Variants in SYNE1 observed in about 807,000 individuals in gnomAD.
SYNE1 encodes the protein nesprin-1.
A neutral mutation model predicts 1,111.0 loss-of-function variants in SYNE1; 616 were observed. That is an observed-to-expected ratio of 0.55 (90% confidence interval 0.52 to 0.59). The LOEUF is 0.59. SYNE1 is among the 20% of genes least tolerant of loss of function. SYNE1 has a pLI of 0.00. For synonymous variants in SYNE1, 3,855 were observed against 3,825.8 expected (o/e 1.01, Z -0.28); for missense variants, 10,006 against 10,417.0 (o/e 0.96, Z 1.72).
chr6:152,358,279 G>T (rs981663761), intron 66 of SYNE1, 94 bp downstream of exon 66: 5 of 1,546,494 alleles, frequency 3.2e-6, no homozygotes, highest in Non-Finnish European at 4.5e-6. Flanking sequence ...ACTAGCCACT[G>T]GACTCAAGGT....
Position 152,372,966 on chromosome 6 carries a change from CTG to C in SYNE1, c.9507+69_9507+70del, listed in dbSNP as rs2097214205. ...ACAAGGGGGCTTTGATATACAGAAA[CTG>C]TGATTTCACTAACAACAACAACAAT... On this transcript the variant is annotated intron_variant, in intron 59 of 145. Transcript: ENST00000367255. The C allele has an allele frequency of 1.9e-6, 3 of 1,546,118 alleles. No homozygotes were observed. The Admixed American group carries it at 5.0e-5, about 26-fold the overall frequency.
At chr6:152,569,155 A>G (rs913772400) in intron 3 of SYNE1, among the ~76,000 whole-genome samples, 16 of 152,212 alleles carry the variant, frequency 1.1e-4, no homozygotes, top group African/African-American at 3.9e-4. Context: ...CCTGGCTCCA[A>G]TCCTGACCTA....
chr6:152,126,012 C>T (rs918013840), intron 145 of SYNE1: 1 of 152,340 alleles, frequency 6.6e-6, no homozygotes, highest in Non-Finnish European at 1.5e-5. Flanking sequence ...TCACCATTTA[C>T]AGAATGTGGA....
At chr6:152,621,920 T>C (rs2128916984) in intron 3 of SYNE1, among the ~76,000 whole-genome samples, 1 of 152,244 alleles carries the variant, frequency 6.6e-6, no homozygotes, top group South Asian at 2.1e-4. Flanking sequence ...AAAACAAAAA[T>C]TCAGATACAC....
chr6:152,301,703 T>C (rs2095175452), intron 92 of SYNE1, among the ~76,000 whole-genome samples, 166 bp downstream of exon 92: 1 of 152,232 alleles, frequency 6.6e-6, no homozygotes, highest in Admixed American at 6.5e-5. Context: ...GTGTCAAAGA[T>C]TGGCCCGGCC....
chr6:152,512,527 T>C (rs1005651066), intron 6 of SYNE1, among the ~76,000 whole-genome samples: 7 of 152,164 alleles, frequency 4.6e-5, no homozygotes, highest in Non-Finnish European at 1.5e-5. Flanking sequence ...CTAATATCCA[T>C]AAGATTAATG....
chr6:152,351,527 T>C (rs2096740209), intron 70 of SYNE1, among the ~76,000 whole-genome samples: 1 of 152,252 alleles, frequency 6.6e-6, no homozygotes, highest in Non-Finnish European at 1.5e-5. Flanking sequence ...TATAGCCACA[T>C]CACTATTTAT....
intron 8 of SYNE1, among the ~76,000 whole-genome samples, chr6:152,507,274 A>C (rs934021705): frequency 3.3e-5 from 5 of 152,212 alleles, no homozygotes; most frequent in African/African-American, 1.2e-4. Flanking sequence ...TGGGGTGTAA[A>C]TAAATAATTA....
intron 91 of SYNE1, chr6:152,302,412 A>C: frequency 2.5e-6 from 1 of 392,578 alleles, no homozygotes. Context: ...TAAAAGCAGA[A>C]AGCATCTGAA....
chr6:152,275,581 T>C (rs922378313), intron 98 of SYNE1, among the ~76,000 whole-genome samples: 3 of 152,046 alleles, frequency 2.0e-5, no homozygotes, highest in African/African-American at 7.3e-5. Context: ...TATTGTATTT[T>C]AATATGTGAT....
intron 105 of SYNE1, among the ~76,000 whole-genome samples, chr6:152,247,464 G>C (rs1466012408): frequency 6.6e-6 from 1 of 151,788 alleles, no homozygotes; most frequent in African/African-American, 2.4e-5. Flanking sequence ...AGTTGCTCCA[G>C]TCTTTTTTGG....
In SYNE1 at chr6:152,409,686, A is replaced by G. The variant is rs577979265; in HGVS notation, c.6254T>C (p.Ile2085Thr). Reference protein sequence around the residue: ...HENQGQCCGLIDLMREYQNLK... With the variant: ...HENQGQCCGLTDLMREYQNLK... ...GTTCTGATATTCTCTCATTAAGTCAATAAGTCCACAGCACTGACCCTGACT... is the reference window on the plus strand; with the variant it reads ...GTTCTGATATTCTCTCATTAAGTCAGTAAGTCCACAGCACTGACCCTGACT... The change falls in exon 43 of 146, where the codon ATT (isoleucine) becomes ACT (threonine). Residue 2085 changes from isoleucine (I) to threonine (T), a missense_variant. This residue lies in a region of SYNE1 where 4,955 missense variants were observed against 5,017.2 expected (regional missense o/e 0.99). Coordinates refer to ENST00000367255, the MANE Select transcript of SYNE1 (RefSeq NM_182961.4). 81 of 1,613,784 alleles carry G rather than the reference A, an allele frequency of 5.0e-5. No homozygotes were observed. In the Middle Eastern group the frequency reaches 6.6e-4, roughly 13 times the overall value.
chr6:152,371,585 G>GGGGAGGGGAGGAGAGGAGAGGGGAAA (rs2097180388), intron 59 of SYNE1, among the ~76,000 whole-genome samples: 1 of 139,786 alleles, frequency 7.2e-6, no homozygotes, highest in Non-Finnish European at 1.5e-5. Flanking sequence ...GGAGATGAGA[G>GGGGAGGGGAGGAGAGGAGAGGGGAAA]GGGAGGGGAG....
At chr6:152,178,075 G>T (rs1229139863) in intron 129 of SYNE1, among the ~76,000 whole-genome samples, 2 of 151,920 alleles carry the variant, frequency 1.3e-5, no homozygotes, top group African/African-American at 2.4e-5. Context: ...AATATACGAG[G>T]TAGTATAGTT....
intron 99 of SYNE1, among the ~76,000 whole-genome samples, chr6:152,268,747 G>C (rs2092956361): frequency 6.6e-6 from 1 of 151,960 alleles, no homozygotes; most frequent in Non-Finnish European, 1.5e-5. Context: ...ACATCTACTT[G>C]AAAGTAAAAA....
At position 152,463,576 on chromosome 6, in the gene SYNE1, T is replaced by C. The variant is rs182843908; in HGVS notation, c.1933-59A>G. On this transcript the variant is annotated intron_variant, in intron 18 of 145. Coordinates refer to ENST00000367255, the MANE Select transcript of SYNE1 (RefSeq NM_182961.4). ...ATAAACCAAATATCAGTGACTGATA[T>C]GAAAGTGACTAAAGTAGGAAAAATA... 2.3e-5 allele frequency: 32 copies of C among 1,370,544 alleles called. 1 individual carries two copies. In the Admixed American group the frequency reaches 4.1e-4, roughly 18 times the overall value. The allele number at this position is 1,370,544 out of a possible 1,614,324, so 84.9% of individuals were successfully genotyped here.
rs1410034652 is a variant in SYNE1, at chr6:152,588,231, C to A, written c.67+40034G>T. Among the ~76,000 whole-genome samples the A allele has an allele frequency of 2.0e-5, 3 of 152,126 alleles. No homozygotes were observed. In the South Asian group the frequency reaches 6.2e-4, roughly 32 times the overall value. ...GCAGCAGTGAATAAAACATAAATGT[C>A]AACAACAAAACCCACAAGAAAATTT... On this transcript the variant is annotated intron_variant, in intron 3 of 145. Coordinates refer to ENST00000367255, the MANE Select transcript of SYNE1 (RefSeq NM_182961.4).
chr6:152,545,362 T>C (rs1455387961), intron 3 of SYNE1, among the ~76,000 whole-genome samples: 1 of 152,094 alleles, frequency 6.6e-6, no homozygotes, highest in Admixed American at 6.6e-5. Context: ...GGAGGATCAC[T>C]TGAGGTCAAG....
In SYNE1 at chr6:152,490,791, T is replaced by TCCTCAGGACTGGAGGAGA. The variant is rs540801798; in HGVS notation, c.940-2289_940-2288insTCTCCTCCAGTCCTGAGG. On this transcript the variant is annotated intron_variant, in intron 11 of 145. Transcript: ENST00000367255. Reference sequence around the variant, plus strand: ...CAGGGGGATTCCTTCAGGAGACCAGTCCCCTGTCCTCACCCTCACTCCATG... The same window carrying TCCTCAGGACTGGAGGAGA: ...CAGGGGGATTCCTTCAGGAGACCAGTCCTCAGGACTGGAGGAGACCCCTGTCCTCACCCTCACTCCATG... Among the ~76,000 whole-genome samples the TCCTCAGGACTGGAGGAGA allele has an allele frequency of 2.6e-5, 4 of 152,240 alleles. No individual in the cohort carries two copies. The South Asian group carries it at 8.3e-4, about 32-fold the overall frequency.
Sources: gnomAD v4.1 joint callset for allele counts (sites outside exome capture counted in the v4.1 genomes callset) on GRCh38, gnomAD v4.1.1 for gene constraint, gnomAD v4.1.1 regional missense constraint, MANE v1.5 for transcripts, NCBI Gene and HGNC (gene_info 2026-07-23, HGNC 2026-07-21) for gene names.